The following FBXW11 variants were observed in gnomAD, a reference collection of about 807,000 sequenced individuals.
The protein encoded by FBXW11 is F-box and WD repeat domain containing 11, also known as F-box/WD repeat-containing protein 11.
FBXW11 carries 19 observed loss-of-function variants against 77.6 expected under a neutral mutation model. The ratio of observed to expected loss-of-function variants is 0.24; its 90% CI spans 0.17 to 0.36. FBXW11 has a LOEUF of 0.36. Among genes scored for constraint, FBXW11 ranks in the 10% least tolerant of loss-of-function variants. The probability of loss-of-function intolerance (pLI) is 1.00; values close to 1 mark genes in which losing one functional copy is unlikely to be tolerated. For synonymous variants in FBXW11, 235 were observed against 249.4 expected (o/e 0.94, Z 0.54); for missense variants, 334 against 704.2 (o/e 0.47, Z 5.95).
At chr5:171,975,014 G>A (rs1374289790) in intron 1 of FBXW11, among the ~76,000 whole-genome samples, 1 of 151,862 alleles carries the variant, frequency 6.6e-6, no homozygotes, top group Non-Finnish European at 1.5e-5. Context: ...GGCTAGTCTC[G>A]AACTCCTGAC....
intron 2 of FBXW11, among the ~76,000 whole-genome samples, chr5:171,936,546 T>C (rs1410962562): frequency 7.1e-6 from 1 of 140,158 alleles, no homozygotes; most frequent in Non-Finnish European, 1.6e-5. Context: ...AAAATTATAA[T>C]TAAAACTAAC....
rs1757124916 is a variant in FBXW11, at chr5:171,862,086, A to C, written c.*2041T>G. ...TCTATATTAAACATGCAAAAACAAC[A>C]AAAAATCCATTCATTCATTCAGAAT... On this transcript the variant is annotated 3_prime_UTR_variant, in exon 14 of 14. Coordinates refer to ENST00000517395, the MANE Select transcript of FBXW11 (RefSeq NM_001378974.1). 6.6e-6 allele frequency: 1 copy of C among 152,634 alleles called. No homozygotes were observed. The highest frequency in any genetic ancestry group is 6.5e-5 in the Admixed American group (1 of 15,286). 9.5% of individuals were successfully genotyped at this position (152,634 alleles called of 1,614,324 possible). A position where few individuals can be genotyped will look rare whatever the true frequency, so the allele number is the denominator to read the frequency against.
At position 171,957,660 on chromosome 5, in the gene FBXW11, G is replaced by A. The variant is rs1294476322; in HGVS notation, c.84C>T (p.Asn28=). 6.2e-7 allele frequency: 1 copy of A among 1,614,186 alleles called. No homozygotes were observed. The highest frequency in any genetic ancestry group is 1.1e-5 in the South Asian group (1 of 91,090). The change falls in exon 2 of 14, where the codon AAC becomes AAT. Residue 28 remains asparagine, a synonymous_variant. Transcript: ENST00000517395. ...TCAGTGCGCACATGCTCTCTACCAG[G>A]TTGGCGCAGCCTAGCCACAAAGACC... is the stretch of plus-strand genomic sequence containing the variant. ...VPRSLWLGCA[N]LVESMCALSC... is the part of the protein sequence containing the mutation.
intron 1 of FBXW11, among the ~76,000 whole-genome samples, chr5:172,001,995 G>C (rs1200161668): frequency 6.6e-6 from 1 of 152,222 alleles, no homozygotes; most frequent in Non-Finnish European, 1.5e-5. Context: ...AGGCAGAAAA[G>C]CCATAAGGGA....
chr5:171,957,243 A>G (rs1428986204), intron 2 of FBXW11, among the ~76,000 whole-genome samples: 1 of 152,074 alleles, frequency 6.6e-6, no homozygotes, highest in African/African-American at 2.4e-5. Flanking sequence ...TAATTATGAA[A>G]CCCTCCCAAC....
At chr5:171,922,791 A>G (rs899915258) in intron 2 of FBXW11, among the ~76,000 whole-genome samples, 2 of 152,326 alleles carry the variant, frequency 1.3e-5, no homozygotes, top group Non-Finnish European at 2.9e-5. Context: ...CAAATTTGTA[A>G]CAAGTATTTC....
At chr5:171,908,034 G>C (rs1175654761) in intron 4 of FBXW11, among the ~76,000 whole-genome samples, 4 of 152,128 alleles carry the variant, frequency 2.6e-5, no homozygotes, top group Non-Finnish European at 5.9e-5. Flanking sequence ...AAATTGAATT[G>C]CTTGAGAAAA....
intron 1 of FBXW11, among the ~76,000 whole-genome samples, chr5:171,982,355 C>T (rs1000056226): frequency 3.5e-5 from 5 of 143,094 alleles, no homozygotes; most frequent in African/African-American, 5.0e-5. Flanking sequence ...CTGCAACCTC[C>T]GCCTCCTGGC....
chr5:171,959,659 C>T (rs1009764773), intron 1 of FBXW11, among the ~76,000 whole-genome samples: 3 of 151,886 alleles, frequency 2.0e-5, no homozygotes, highest in African/African-American at 7.3e-5. Flanking sequence ...ACAAGCCTGG[C>T]CAACATGGTG....
intron 1 of FBXW11, among the ~76,000 whole-genome samples, chr5:172,004,764 C>A (rs1766626857): frequency 6.6e-6 from 1 of 151,866 alleles, no homozygotes; most frequent in Non-Finnish European, 1.5e-5. Context: ...TAACCCACTA[C>A]AAAAGTTACA....
chr5:171,874,580 A>G (rs147221013), intron 9 of FBXW11, among the ~76,000 whole-genome samples: 17 of 152,200 alleles, frequency 1.1e-4, no homozygotes, highest in Middle Eastern at 3.4e-3. Flanking sequence ...GGGGCTAGGT[A>G]TAAGAGTGCT....
intron 1 of FBXW11, among the ~76,000 whole-genome samples, chr5:171,976,238 A>G (rs141588090): frequency 6.4e-4 from 97 of 152,320 alleles, no homozygotes; most frequent in African/African-American, 2.2e-3. Flanking sequence ...TGCTTTTTCA[A>G]CTTCTGAAAG....
rs772078839 is a variant in FBXW11, at chr5:171,869,750, T to C, written c.1509A>G (p.Thr503=). The C allele has an allele frequency of 6.2e-7, 1 of 1,611,342 alleles. No individual in the cohort carries two copies. Among genetic ancestry groups the C allele is most frequent in the Admixed American group, 1.7e-5 (1 of 59,628 alleles). Residue 503 remains threonine (T), a synonymous_variant, in exon 12 of 14, where the codon ACA becomes ACG. Transcript: ENST00000517395. The surrounding 1 kb of genome is among the most constrained non-coding windows in gnomAD (Gnocchi z 4.1). ...AALDPRAPAS[T]LCLRTLVEHS... Reference sequence around the variant, plus strand: ...ATACCACCAATGTGCGCAAACACAATGTGCTTGCTGGGGCTCGAGGGTCAA... The same window carrying C: ...ATACCACCAATGTGCGCAAACACAACGTGCTTGCTGGGGCTCGAGGGTCAA...
intron 4 of FBXW11, among the ~76,000 whole-genome samples, chr5:171,910,199 G>A (rs895069436): frequency 1.3e-5 from 2 of 151,384 alleles, no homozygotes; most frequent in Non-Finnish European, 2.9e-5. Flanking sequence ...CTGAGTAGCT[G>A]GGATTACAGA....
intron 2 of FBXW11, among the ~76,000 whole-genome samples, chr5:171,930,430 AT>A (rs1431194878): frequency 7.2e-5 from 11 of 152,262 alleles, no homozygotes; most frequent in Non-Finnish European, 1.6e-4. Flanking sequence ...AGCTAATGCA[AT>A]AAGACAAGGA....
chr5:171,966,340 AG>A (rs1561730432), intron 1 of FBXW11, among the ~76,000 whole-genome samples: 2 of 152,144 alleles, frequency 1.3e-5, no homozygotes, highest in Non-Finnish European at 1.5e-5. Context: ...GGAAATCCAA[AG>A]GAAAAAAAAA....
intron 7 of FBXW11, among the ~76,000 whole-genome samples, chr5:171,878,987 T>C (rs1758326547): frequency 6.6e-6 from 1 of 152,178 alleles, no homozygotes; most frequent in Non-Finnish European, 1.5e-5. Flanking sequence ...TGAGAAAATA[T>C]CATGCTTTAT....
chr5:171,927,951 G>C (rs1004418420), intron 2 of FBXW11, among the ~76,000 whole-genome samples: 3 of 152,134 alleles, frequency 2.0e-5, no homozygotes, highest in African/African-American at 7.2e-5. Context: ...TTAAATCTAA[G>C]GGTCAATTCT....
chr5:171,942,073 A>G (rs1581233383), intron 2 of FBXW11, among the ~76,000 whole-genome samples: 2 of 151,706 alleles, frequency 1.3e-5, no homozygotes, highest in Admixed American at 1.3e-4. Context: ...AGTTATTAGT[A>G]TAACACACAG....
Sources: gnomAD v4.1 joint callset for allele counts (sites outside exome capture counted in the v4.1 genomes callset) on GRCh38, gnomAD v4.1.1 for gene constraint, Gnocchi (gnomAD v3.1) non-coding constraint, MANE v1.5 for transcripts, NCBI Gene and HGNC (gene_info 2026-07-23, HGNC 2026-07-21) for gene names.